The following BTBD9 variants were observed in gnomAD, a reference collection of about 807,000 sequenced individuals.
BTBD9 encodes the protein BTB domain containing 9.
Under a neutral mutation model 64.3 loss-of-function variants are expected in BTBD9, and 49 were observed. The observed-to-expected ratio is 0.76, with a 90% CI of 0.61 to 0.97. The LOEUF (loss-of-function observed/expected upper bound fraction) is 0.97, where lower values mean the gene tolerates loss of function less well. Among genes scored for constraint, BTBD9 ranks in the 50% least tolerant of loss-of-function variants. The probability of loss-of-function intolerance (pLI) is 0.00; values close to 1 mark genes in which losing one functional copy is unlikely to be tolerated. For missense variants in BTBD9, 598 were observed against 762.1 expected, an observed-to-expected ratio of 0.78 and a Z score of 2.53; for synonymous variants, 260 against 274.7, an observed-to-expected ratio of 0.95 and a Z score of 0.53.
At chr6:38,204,596 G>A (rs6905879) in intron 9 of BTBD9, among the ~76,000 whole-genome samples, 19,525 of 152,088 alleles carry the variant, frequency 0.13, 1,588 homozygotes, top group African/African-American at 0.22. Flanking sequence ...GTTTCTTTCT[G>A]GAGTAATGAA....
chr6:38,465,442 C>T (rs1770302955), intron 6 of BTBD9, among the ~76,000 whole-genome samples: 1 of 142,472 alleles, frequency 7.0e-6, no homozygotes, highest in African/African-American at 2.6e-5. Context: ...AGGTTGAAAC[C>T]CCATCTCTAC....
chr6:38,233,012 T>C lies in BTBD9; in HGVS notation c.1562+23397A>G, dbSNP rs563696682. On this transcript the variant is annotated intron_variant, in intron 9 of 10. Transcript: ENST00000481247. Reference sequence around the variant, plus strand: ...ATTCAAATTTTAGGCAGGATGGTCATGCTTCCTTGGTGGGAGGCCTTTTCT... The same window carrying C: ...ATTCAAATTTTAGGCAGGATGGTCACGCTTCCTTGGTGGGAGGCCTTTTCT... Among the ~76,000 whole-genome samples the C allele has an allele frequency of 2.0e-5, 3 of 152,356 alleles. No individual in the cohort carries two copies. In the East Asian group the frequency reaches 5.8e-4, roughly 29 times the overall value.
chr6:38,372,986 G>A (rs1205084604), intron 6 of BTBD9, among the ~76,000 whole-genome samples: 2 of 150,134 alleles, frequency 1.3e-5, no homozygotes, highest in Non-Finnish European at 2.9e-5. Context: ...CCTTTTTTAT[G>A]GGGGAGGAAG....
At chr6:38,356,811 G>A (rs1187271568) in intron 6 of BTBD9, among the ~76,000 whole-genome samples, 3 of 152,182 alleles carry the variant, frequency 2.0e-5, no homozygotes, top group Non-Finnish European at 2.9e-5. Context: ...TCCCTCTCAA[G>A]ATGATCAGAT....
intron 6 of BTBD9, among the ~76,000 whole-genome samples, chr6:38,383,805 G>C (rs1398244011): frequency 6.6e-6 from 1 of 152,186 alleles, no homozygotes; most frequent in Non-Finnish European, 1.5e-5. Flanking sequence ...GCTATAGATT[G>C]AATGTTTGCG....
At chr6:38,218,216 G>T (rs1295243593) in intron 9 of BTBD9, among the ~76,000 whole-genome samples, 1 of 152,160 alleles carries the variant, frequency 6.6e-6, no homozygotes, top group East Asian at 1.9e-4. Context: ...TTTCTGTAAA[G>T]AGCCAGATAG....
rs990117093 is a variant in BTBD9, at chr6:38,511,330, T to C, written c.1154+66270A>G. Among the ~76,000 whole-genome samples the C allele has an allele frequency of 2.7e-5, 4 of 149,226 alleles. No homozygotes were observed. In the Admixed American group the frequency reaches 2.8e-4, roughly 10 times the overall value. On this transcript the variant is annotated intron_variant, in intron 6 of 10. Transcript: ENST00000481247. ...TCATCTGTGTCTGTTCCACAGTATT[T>C]TGGAAATGCCTTTTTTTTTTTTTTT...
chr6:38,287,664 T>C (rs1426699555), intron 8 of BTBD9, among the ~76,000 whole-genome samples: 1 of 152,212 alleles, frequency 6.6e-6, no homozygotes, highest in Non-Finnish European at 1.5e-5. Flanking sequence ...CACTCTATGA[T>C]GTTTCCACAA....
intron 7 of BTBD9, among the ~76,000 whole-genome samples, chr6:38,338,480 A>G (rs545485563): frequency 6.6e-6 from 1 of 152,326 alleles, no homozygotes; most frequent in East Asian, 1.9e-4. Flanking sequence ...CCATGCTGGT[A>G]AGACACAAAA....
At chr6:38,287,888 G>A (rs1761808293) in intron 8 of BTBD9, among the ~76,000 whole-genome samples, 1 of 152,186 alleles carries the variant, frequency 6.6e-6, no homozygotes, top group African/African-American at 2.4e-5. Flanking sequence ...ACCAGATCTC[G>A]AATTCAGATC....
At chr6:38,632,166 G>C (rs918347627) in intron 1 of BTBD9, among the ~76,000 whole-genome samples, 5 of 152,166 alleles carry the variant, frequency 3.3e-5, no homozygotes, top group African/African-American at 1.2e-4. Flanking sequence ...GCTAAATTTT[G>C]GGATAATTTG....
intron 7 of BTBD9, among the ~76,000 whole-genome samples, chr6:38,300,914 G>C (rs1762369900): frequency 6.6e-6 from 1 of 152,180 alleles, no homozygotes; most frequent in Non-Finnish European, 1.5e-5. Context: ...GGAGTGGTGA[G>C]AGAGGGCACC....
At chr6:38,279,194 CT>C (rs1761406652) in intron 8 of BTBD9, among the ~76,000 whole-genome samples, 1 of 152,000 alleles carries the variant, frequency 6.6e-6, no homozygotes, top group Non-Finnish European at 1.5e-5. Context: ...GGTCTCAGTG[CT>C]TCTGCTTGTT....
In BTBD9 at chr6:38,189,461, C is replaced by A. The variant is rs994376296; in HGVS notation, c.1641+3058G>T. On this transcript the variant is annotated intron_variant, in intron 10 of 10. Coordinates refer to ENST00000481247, the MANE Select transcript of BTBD9 (RefSeq NM_001099272.2). ...ACATTCTCTGAGGGTTTGCTGTATT[C>A]TTGATGCCCAATAAAGTTCAGCTTT... is the stretch of plus-strand genomic sequence containing the variant. Among the ~76,000 whole-genome samples the A allele has an allele frequency of 2.6e-5, 4 of 152,164 alleles. No individual in the cohort carries two copies. In the East Asian group the frequency reaches 7.7e-4, roughly 29 times the overall value.
At chr6:38,367,913 A>G (rs191848682) in intron 6 of BTBD9, among the ~76,000 whole-genome samples, 119 of 150,472 alleles carry the variant, frequency 7.9e-4, no homozygotes, top group African/African-American at 2.7e-3. Flanking sequence ...TAAACTTTTC[A>G]GAGAGTATAT....
intron 7 of BTBD9, among the ~76,000 whole-genome samples, chr6:38,322,247 T>C (rs1379739397): frequency 1.3e-5 from 2 of 152,080 alleles, no homozygotes; most frequent in Admixed American, 6.6e-5. Context: ...TGGGGAGGAT[T>C]GCATCTCCAA....
intron 6 of BTBD9, among the ~76,000 whole-genome samples, chr6:38,542,337 G>T (rs1774318083): frequency 6.6e-6 from 1 of 151,962 alleles, no homozygotes; most frequent in Non-Finnish European, 1.5e-5. Context: ...TCAGTAAATT[G>T]TACCCCCATT....
At chr6:38,557,299 C>T (rs1253033078) in intron 6 of BTBD9, among the ~76,000 whole-genome samples, 3 of 152,050 alleles carry the variant, frequency 2.0e-5, no homozygotes, top group Admixed American at 6.6e-5. Context: ...GAGCCAAGAT[C>T]GTGCCATTGC....
intron 1 of BTBD9, chr6:38,613,140 T>C (rs946488022): frequency 2.0e-5 from 3 of 152,248 alleles, no homozygotes; most frequent in African/African-American, 7.2e-5. Context: ...ATATTAGTCT[T>C]CATAAAATAT....
Sources: allele counts gnomAD v4.1 joint callset (sites outside exome capture counted in the v4.1 genomes callset), GRCh38; gene constraint gnomAD v4.1.1; transcripts MANE v1.5; gene names NCBI Gene and HGNC (gene_info 2026-07-23, HGNC 2026-07-21).